The following POU6F2 variants were observed in gnomAD, a reference collection of about 807,000 sequenced individuals.
The protein encoded by POU6F2 is POU class 6 homeobox 2.
A neutral mutation model predicts 71.3 loss-of-function variants in POU6F2; 31 were observed. The observed-to-expected ratio is 0.43, with a 90% CI of 0.33 to 0.59. POU6F2 has a LOEUF of 0.59. Ranked by LOEUF, POU6F2 falls within the 20% of genes least tolerant of loss-of-function variation. The pLI is 0.04. For missense variants in POU6F2, 783 were observed against 856.8 expected (o/e 0.91, Z 1.07); for synonymous variants, 347 against 355.7 (o/e 0.98, Z 0.27).
chr7:39,258,410 T>G (rs576950698), intron 4 of POU6F2, among the ~76,000 whole-genome samples: 3 of 152,226 alleles, frequency 2.0e-5, no homozygotes, highest in Non-Finnish European at 4.4e-5. Context: ...ATACTGGTTT[T>G]AAAGTGTGTG....
chr7:39,026,898 G>A (rs1789818619), intron 1 of POU6F2, among the ~76,000 whole-genome samples: 1 of 152,088 alleles, frequency 6.6e-6, no homozygotes, highest in Non-Finnish European at 1.5e-5. Flanking sequence ...TAAGAAGATG[G>A]ATATTTTCAT....
At chr7:39,281,042 C>T (rs1784553794) in intron 4 of POU6F2, among the ~76,000 whole-genome samples, 1 of 152,060 alleles carries the variant, frequency 6.6e-6, no homozygotes, top group East Asian at 1.9e-4. Flanking sequence ...ATGGAAAGTA[C>T]CAGGGAAATA....
chr7:38,988,121 G>A (rs937599996), intron 1 of POU6F2, among the ~76,000 whole-genome samples: 13 of 152,064 alleles, frequency 8.5e-5, no homozygotes, highest in African/African-American at 3.1e-4. Context: ...TTATAGAAGT[G>A]GAAGCTGGCT....
chr7:39,059,318 T>C (rs1272798292), intron 1 of POU6F2, among the ~76,000 whole-genome samples: 1 of 152,084 alleles, frequency 6.6e-6, no homozygotes, highest in African/African-American at 2.4e-5. Context: ...TATATACTTC[T>C]AGGAGACTCA....
At chr7:39,084,673 CAT>C (rs964849383) in intron 1 of POU6F2, among the ~76,000 whole-genome samples, 14 of 152,112 alleles carry the variant, frequency 9.2e-5, no homozygotes, top group African/African-American at 1.9e-4. Context: ...CATAGATTAT[CAT>C]GTGTCATATC....
chr7:39,004,345 A>G (rs1420865624), intron 1 of POU6F2, among the ~76,000 whole-genome samples: 1 of 152,244 alleles, frequency 6.6e-6, no homozygotes, highest in Non-Finnish European at 1.5e-5. Flanking sequence ...TTGATTATCA[A>G]TACAGTCAAC....
Position 39,312,997 on chromosome 7 carries a change from G to T in POU6F2, c.599-26645G>T, listed in dbSNP as rs184113823. On this transcript the variant is annotated intron_variant, in intron 4 of 9. Coordinates refer to ENST00000518318, the MANE Select transcript of POU6F2 (RefSeq NM_001370959.1). ...ACGGGTAATTGAAAGTACAGATAAG[G>T]GGGGACTGCTGTACTATGTGAGAGC... Among the ~76,000 whole-genome samples the T allele has an allele frequency of 4.6e-3, 695 of 152,228 alleles. 3 individuals are homozygous for T. Among genetic ancestry groups the T allele is most frequent in the African/African-American group, 0.016 (661 of 41,520 alleles).
At position 39,262,806 on chromosome 7, in the gene POU6F2, G is replaced by A. The variant is rs190736075; in HGVS notation, c.598+55186G>A. Among the ~76,000 whole-genome samples the A allele has an allele frequency of 1.5e-4, 23 of 152,212 alleles. No individual in the cohort carries two copies. In the East Asian group the frequency reaches 3.9e-3, roughly 26 times the overall value. On this transcript the variant is annotated intron_variant, in intron 4 of 9. Coordinates refer to ENST00000518318, the MANE Select transcript of POU6F2 (RefSeq NM_001370959.1). ...CGGACTTTTTTTAAAAACATAAAAT[G>A]CATTGGAACCTATAACATATACTTA... is the stretch of plus-strand genomic sequence containing the variant.
intron 2 of POU6F2, among the ~76,000 whole-genome samples, chr7:39,156,758 T>C (rs141454093): frequency 3.6e-4 from 55 of 152,316 alleles, no homozygotes; most frequent in African/African-American, 1.2e-3. Flanking sequence ...AGATTCAAGA[T>C]GAAAACCAGT....
At chr7:39,118,969 A>G (rs999832166) in intron 2 of POU6F2, among the ~76,000 whole-genome samples, 4 of 152,350 alleles carry the variant, frequency 2.6e-5, no homozygotes, top group South Asian at 4.1e-4. Context: ...CAGCCAATCT[A>G]TGCAGCAAGT....
intron 2 of POU6F2, among the ~76,000 whole-genome samples, chr7:39,145,959 C>A (rs182622480): frequency 1.9e-3 from 287 of 152,292 alleles, no homozygotes; most frequent in Middle Eastern, 6.8e-3. Context: ...AGAGAAAATG[C>A]ACTCATTTTT....
chr7:39,302,255 A>G (rs1342433982), intron 4 of POU6F2, among the ~76,000 whole-genome samples: 1 of 152,234 alleles, frequency 6.6e-6, no homozygotes, highest in Non-Finnish European at 1.5e-5. Flanking sequence ...AAAGAGGGTA[A>G]TGGACAACAG....
chr7:39,369,103 C>T (rs1279807906), intron 5 of POU6F2, among the ~76,000 whole-genome samples: 1 of 152,222 alleles, frequency 6.6e-6, no homozygotes, highest in Non-Finnish European at 1.5e-5. Context: ...ATGGAATCTA[C>T]TCCTGGTGAA....
At chr7:39,053,033 A>G (rs1430533310) in intron 1 of POU6F2, among the ~76,000 whole-genome samples, 1 of 152,138 alleles carries the variant, frequency 6.6e-6, no homozygotes, top group East Asian at 1.9e-4. Flanking sequence ...AGATCTACTG[A>G]ATTAGAAACT....
At chr7:39,231,168 A>G (rs914248432) in intron 4 of POU6F2, among the ~76,000 whole-genome samples, 20 of 152,230 alleles carry the variant, frequency 1.3e-4, no homozygotes, top group Admixed American at 1.1e-3. Context: ...TGAAAAAATA[A>G]CAAAGGGTAA....
chr7:39,007,300 T>C (rs552296802), intron 1 of POU6F2, among the ~76,000 whole-genome samples: 3 of 152,200 alleles, frequency 2.0e-5, no homozygotes, highest in Non-Finnish European at 4.4e-5. Context: ...ACTTGACACT[T>C]CTATTTCGAG....
chr7:39,114,924 A>G (rs1301185786), intron 2 of POU6F2, among the ~76,000 whole-genome samples: 2 of 152,202 alleles, frequency 1.3e-5, no homozygotes, highest in South Asian at 2.1e-4. Context: ...GTGTGTTTGC[A>G]TTATATAGGC....
intron 2 of POU6F2, among the ~76,000 whole-genome samples, chr7:39,152,734 C>CT (rs2128734700): frequency 6.6e-6 from 1 of 152,246 alleles, no homozygotes; most frequent in Non-Finnish European, 1.5e-5. Context: ...GAGTTTGATT[C>CT]TATGTCTATT....
chr7:39,275,690 G>T (rs1316051979), intron 4 of POU6F2, among the ~76,000 whole-genome samples: 1 of 152,120 alleles, frequency 6.6e-6, no homozygotes, highest in African/African-American at 2.4e-5. Context: ...CATGGTACAG[G>T]TACCAAAACA....
Sources: allele counts gnomAD v4.1 joint callset (sites outside exome capture counted in the v4.1 genomes callset), GRCh38; gene constraint gnomAD v4.1.1; transcripts MANE v1.5; gene names NCBI Gene and HGNC (gene_info 2026-07-23, HGNC 2026-07-21).